TRPS1: variants seen among roughly 807,000 people sequenced by gnomAD.
The protein encoded by TRPS1 is zinc finger transcription factor Trps1.
In TRPS1, 6 loss-of-function variants were observed where a neutral mutation model predicts 101.2. The observed-to-expected ratio is 0.06, with a 90% CI of 0.03 to 0.12. TRPS1 has a LOEUF of 0.12. Among genes scored for constraint, TRPS1 ranks in the 10% least tolerant of loss-of-function variants. TRPS1 has a pLI of 1.00. For missense variants in TRPS1, 1,363 were observed against 1,567.0 expected (o/e 0.87, Z 2.20); for synonymous variants, 578 against 589.8 (o/e 0.98, Z 0.29).
chr8:115,480,885 C>T (rs1047346515), intron 5 of TRPS1, among the ~76,000 whole-genome samples: 2 of 151,948 alleles, frequency 1.3e-5, no homozygotes, highest in Non-Finnish European at 2.9e-5. Context: ...ACTAAATTTA[C>T]GTGCATGTCA....
intron 1 of TRPS1, among the ~76,000 whole-genome samples, chr8:115,657,203 C>G (rs1246115891): frequency 2.0e-5 from 3 of 152,046 alleles, no homozygotes; most frequent in Non-Finnish European, 4.4e-5. Context: ...AGCAAACATT[C>G]ACTGTTATAT....
Position 115,604,699 on chromosome 8 carries a change from C to G in TRPS1, c.1270G>C (p.Val424Leu), listed in dbSNP as rs1259395489. ...ITVKAGDDTP[V>L]GYSVPIKPLD... ...GGCTTTATGGGCACTGAGTACCCAA[C>G]AGGAGTGTCATCTCCTGCTTTGACT... Residue 424 changes from valine (V) to leucine (L), a missense_variant, in exon 4 of 7, where the codon GTT becomes CTT. By Grantham distance (32) the Val-to-Leu change is conservative. Transcript: ENST00000395715. The surrounding 1 kb of genome is among the most constrained non-coding windows in gnomAD (Gnocchi z 4.1). 3 of 1,613,952 alleles carry G rather than the reference C, an allele frequency of 1.9e-6. No homozygotes were observed. The South Asian group carries it at 3.3e-5, about 18-fold the overall frequency.
intron 5 of TRPS1, among the ~76,000 whole-genome samples, chr8:115,448,600 C>T (rs1017457806): frequency 2.6e-5 from 4 of 152,106 alleles, no homozygotes; most frequent in African/African-American, 4.8e-5. Context: ...TCTCTAATTC[C>T]GAGATAGACA....
intron 5 of TRPS1, among the ~76,000 whole-genome samples, chr8:115,560,248 T>G (rs1816915373): frequency 6.6e-6 from 1 of 152,104 alleles, no homozygotes; most frequent in South Asian, 2.1e-4. Flanking sequence ...GTCAGGAAAC[T>G]AGAAGCATTA....
rs150687492 is a variant in TRPS1 at position 115,526,039 on chromosome 8, A to C, written c.2700+60962T>G. On this transcript the variant is annotated intron_variant, in intron 5 of 6. Transcript: ENST00000395715. Reference sequence around the variant, plus strand: ...TTTTACACTGTGGGAAGAAGGGCAGAACACAATATCAAGATAAATTAGGCT... The same window carrying C: ...TTTTACACTGTGGGAAGAAGGGCAGCACACAATATCAAGATAAATTAGGCT... Among the ~76,000 whole-genome samples the C allele has an allele frequency of 5.1e-4, 77 of 152,350 alleles. 2 individuals carry two copies. In the East Asian group the frequency reaches 0.013, roughly 25 times the overall value.
chr8:115,656,376 C>T (rs1811676965), intron 1 of TRPS1, among the ~76,000 whole-genome samples: 2 of 152,118 alleles, frequency 1.3e-5, no homozygotes, highest in South Asian at 2.1e-4. Flanking sequence ...AAAGTCTCCA[C>T]TCTACATACA....
At chr8:115,451,724 T>C (rs547841411) in intron 5 of TRPS1, among the ~76,000 whole-genome samples, 13 of 152,306 alleles carry the variant, frequency 8.5e-5, no homozygotes, top group South Asian at 6.2e-4. Context: ...AAAATCAGCC[T>C]GGTGGGGTAT....
intron 5 of TRPS1, among the ~76,000 whole-genome samples, chr8:115,550,053 T>C (rs1035333497): frequency 6.6e-6 from 1 of 151,998 alleles, no homozygotes; most frequent in Non-Finnish European, 1.5e-5. Flanking sequence ...CCATCTCTAC[T>C]AAAAATACAA....
chr8:115,646,058 AT>A (rs1214745090), intron 1 of TRPS1, among the ~76,000 whole-genome samples: 1 of 152,178 alleles, frequency 6.6e-6, no homozygotes, highest in Non-Finnish European at 1.5e-5. Flanking sequence ...TAGAAATACT[AT>A]TTTGAATAGT....
At chr8:115,641,364 T>A (rs1192843122) in intron 1 of TRPS1, among the ~76,000 whole-genome samples, 1 of 152,192 alleles carries the variant, frequency 6.6e-6, no homozygotes, top group Admixed American at 6.5e-5. Context: ...TTTGGAATAT[T>A]CCATTTTAGC....
chr8:115,572,139 T>G (rs1245723975), intron 5 of TRPS1, among the ~76,000 whole-genome samples: 1 of 152,182 alleles, frequency 6.6e-6, no homozygotes, highest in African/African-American at 2.4e-5. Flanking sequence ...TTGTGGTGTT[T>G]CTGAATCCTA....
At chr8:115,432,490 C>T (rs1180643) in intron 5 of TRPS1, among the ~76,000 whole-genome samples, 151,931 of 151,934 alleles carry the variant, frequency 1, 75,964 homozygotes, top group Non-Finnish European at 1. Context: ...AATTTTTATT[C>T]ATATTTGTAT....
rs989409006 is a variant in TRPS1, at chr8:115,418,082, C to G, written c.2823+248G>C. ...TAGTTCAACTATCTGCTGTGAAGTT[C>G]CCAGAAATCAATCATTTTCCTCTTT... On this transcript the variant is annotated intron_variant, in intron 6 of 6. Transcript: ENST00000395715. The surrounding 1 kb of genome is among the most constrained non-coding windows in gnomAD (Gnocchi z 4.3). 6.6e-6 allele frequency among the ~76,000 whole-genome samples: 1 copy of G among 152,098 alleles called. No individual in the cohort carries two copies. Among genetic ancestry groups the G allele is most frequent in the African/African-American group, 2.4e-5 (1 of 41,400 alleles).
At chr8:115,667,568 G>A (rs1811952939) in intron 1 of TRPS1, among the ~76,000 whole-genome samples, 1 of 152,292 alleles carries the variant, frequency 6.6e-6, no homozygotes. Context: ...CCGCATCGCA[G>A]AGGAAGTCTG....
At chr8:115,475,378 T>G (rs1351321209) in intron 5 of TRPS1, among the ~76,000 whole-genome samples, 2 of 150,894 alleles carry the variant, frequency 1.3e-5, no homozygotes, top group Non-Finnish European at 2.9e-5. Context: ...CCTGGATCAC[T>G]TGCTACTGCA....
At chr8:115,488,032 G>A (rs1040611505) in intron 5 of TRPS1, among the ~76,000 whole-genome samples, 32 of 152,102 alleles carry the variant, frequency 2.1e-4, no homozygotes, top group African/African-American at 6.5e-4. Context: ...AGACTTCACT[G>A]TTGTCTTATT....
intron 5 of TRPS1, among the ~76,000 whole-genome samples, chr8:115,443,795 T>C (rs1813665750): frequency 6.6e-6 from 1 of 152,202 alleles, no homozygotes; most frequent in Admixed American, 6.5e-5. Flanking sequence ...CAGAAATCCA[T>C]CCTTTCCTCA....
In TRPS1 at chr8:115,626,628, C is replaced by T. The variant is rs371222165; in HGVS notation, c.-121-2870G>A. On this transcript the variant is annotated intron_variant, in intron 1 of 6. Transcript: ENST00000395715. ...TCTTGTTGAGTTTTAAATGTCAACA[C>T]CTTCAAACAACTTCCACCAAATAAA... 1.8e-4 allele frequency among the ~76,000 whole-genome samples: 28 copies of T among 151,888 alleles called. No homozygotes were observed. In the East Asian group the frequency reaches 4.6e-3, roughly 25 times the overall value.
chr8:115,580,722 T>C (rs1817427626), intron 5 of TRPS1, among the ~76,000 whole-genome samples: 1 of 152,182 alleles, frequency 6.6e-6, no homozygotes, highest in South Asian at 2.1e-4. Context: ...CCAGCAGAAC[T>C]ATGCCAGACC....
Sources: gnomAD v4.1 joint callset for allele counts (sites outside exome capture counted in the v4.1 genomes callset) on GRCh38, gnomAD v4.1.1 for gene constraint, Gnocchi (gnomAD v3.1) non-coding constraint, MANE v1.5 for transcripts, NCBI Gene and HGNC (gene_info 2026-07-23, HGNC 2026-07-21) for gene names.